Variants in MPPED1 observed in about 807,000 individuals in gnomAD.
The protein encoded by MPPED1 is metallophosphoesterase domain-containing protein 1.
MPPED1 carries 16 observed loss-of-function variants against 36.2 expected under a neutral mutation model. The observed-to-expected ratio is 0.44, with a 90% CI of 0.30 to 0.67. MPPED1 has a LOEUF of 0.67. Ranked by LOEUF, MPPED1 falls within the 30% of genes least tolerant of loss-of-function variation. MPPED1 has a pLI of 0.10. For synonymous variants in MPPED1, 199 were observed against 191.3 expected (o/e 1.04, Z -0.33); for missense variants, 307 against 453.4 (o/e 0.68, Z 2.93).
At chr22:43,450,460 T>C (rs1421733945) in intron 3 of MPPED1, among the ~76,000 whole-genome samples, 2 of 152,236 alleles carry the variant, frequency 1.3e-5, no homozygotes, top group Admixed American at 6.5e-5. Context: ...GAGAGACCTC[T>C]CGAGTTTGGA....
chr22:43,476,046 G>A (rs78273150), intron 4 of MPPED1, among the ~76,000 whole-genome samples: 1 of 151,818 alleles, frequency 6.6e-6, no homozygotes, highest in Non-Finnish European at 1.5e-5. Flanking sequence ...GGGTAGTGAT[G>A]GTGATAATGA....
At chr22:43,465,630 G>T (rs1037230638) in intron 3 of MPPED1, among the ~76,000 whole-genome samples, 1 of 152,234 alleles carries the variant, frequency 6.6e-6, no homozygotes, top group Non-Finnish European at 1.5e-5. Flanking sequence ...CTGGGTGCTT[G>T]TTGGGGGGCA....
chr22:43,434,945 T>G, intron 2 of MPPED1, 89 bp from the exon 3 acceptor site: 2 of 1,379,786 alleles, frequency 1.4e-6, no homozygotes, highest in Non-Finnish European at 2.0e-6. Flanking sequence ...GATGGGGCTG[T>G]GAGCTGTGGT....
intron 4 of MPPED1, among the ~76,000 whole-genome samples, chr22:43,488,465 C>T (rs140102472): frequency 2.6e-4 from 40 of 152,320 alleles, no homozygotes; most frequent in African/African-American, 9.6e-4. Flanking sequence ...CTGGAATTCA[C>T]GCTTCAGCAG....
chr22:43,487,522 G>A (rs539729202), intron 4 of MPPED1, among the ~76,000 whole-genome samples: 2 of 152,336 alleles, frequency 1.3e-5, no homozygotes, highest in South Asian at 4.1e-4. Context: ...GGAGGCGCTG[G>A]AGTGGAGGAA....
At chr22:43,447,843 T>C (rs1246653321) in intron 3 of MPPED1, among the ~76,000 whole-genome samples, 1 of 122,696 alleles carries the variant, frequency 8.2e-6, no homozygotes, top group African/African-American at 3.0e-5. Context: ...ATAAAAATAT[T>C]TTATATATGT....
intron 1 of MPPED1, among the ~76,000 whole-genome samples, chr22:43,414,229 C>T (rs965469035): frequency 3.9e-5 from 6 of 152,218 alleles, no homozygotes; most frequent in Non-Finnish European, 8.8e-5. Flanking sequence ...CTTAAATCTT[C>T]ATCCAATGAA....
At chr22:43,463,685 G>A (rs1332437243) in intron 3 of MPPED1, among the ~76,000 whole-genome samples, 1 of 151,970 alleles carries the variant, frequency 6.6e-6, no homozygotes, top group Admixed American at 6.6e-5. Flanking sequence ...TCTCACCAAG[G>A]ATGTCAATGA....
chr22:43,446,543 C>T (rs1289796931), intron 3 of MPPED1, among the ~76,000 whole-genome samples: 3 of 152,184 alleles, frequency 2.0e-5, no homozygotes, highest in African/African-American at 4.8e-5. Context: ...GGGGTGTTGA[C>T]GGCACATGGG....
chr22:43,453,829 G>C (rs1019007788), intron 3 of MPPED1, among the ~76,000 whole-genome samples: 2 of 152,084 alleles, frequency 1.3e-5, no homozygotes, highest in Non-Finnish European at 2.9e-5. Flanking sequence ...TCTTTTAAAA[G>C]TGTATAGTTC....
At chr22:43,486,903 C>A (rs28413588) in intron 4 of MPPED1, among the ~76,000 whole-genome samples, 54,736 of 151,924 alleles carry the variant, frequency 0.36, 11,289 homozygotes, top group East Asian at 0.63. Context: ...GGACACTCAG[C>A]AGATGGCAGA....
chr22:43,501,603 C>T (rs1932737357), intron 5 of MPPED1, among the ~76,000 whole-genome samples: 2 of 152,218 alleles, frequency 1.3e-5, no homozygotes, highest in Admixed American at 1.3e-4. Flanking sequence ...CCCCACAACA[C>T]ACACTCCAGA....
At chr22:43,436,093 G>T (rs1312276133) in intron 3 of MPPED1, among the ~76,000 whole-genome samples, 1 of 152,190 alleles carries the variant, frequency 6.6e-6, no homozygotes, top group Non-Finnish European at 1.5e-5. Flanking sequence ...ACATCCTCTG[G>T]GTTTTGTCTT....
intron 1 of MPPED1, among the ~76,000 whole-genome samples, chr22:43,421,477 C>CTG (rs2146815273): frequency 6.6e-6 from 1 of 152,372 alleles, no homozygotes; most frequent in East Asian, 1.9e-4. Flanking sequence ...ATGCTAGCGC[C>CTG]TGCTCCTCTG....
chr22:43,450,955 A>C (rs1338289197), intron 3 of MPPED1, among the ~76,000 whole-genome samples: 1 of 150,918 alleles, frequency 6.6e-6, no homozygotes, highest in South Asian at 2.1e-4. Context: ...CGAACTCCCA[A>C]CCTCAGGTGA....
intron 3 of MPPED1, among the ~76,000 whole-genome samples, chr22:43,464,745 G>A (rs780328220): frequency 1.3e-5 from 2 of 152,164 alleles, no homozygotes; most frequent in African/African-American, 2.4e-5. Context: ...CTTGCTTCTT[G>A]TAGCTCCACA....
intron 1 of MPPED1, among the ~76,000 whole-genome samples, chr22:43,413,439 G>A (rs2146806320): frequency 6.6e-6 from 1 of 152,222 alleles, no homozygotes; most frequent in South Asian, 2.1e-4. Flanking sequence ...CGATGTTGGA[G>A]AGGCCACCAG....
chr22:43,428,422 C>T (rs1338377153), intron 2 of MPPED1, among the ~76,000 whole-genome samples: 1 of 152,208 alleles, frequency 6.6e-6, no homozygotes, highest in African/African-American at 2.4e-5. Flanking sequence ...GAGGGGGCTG[C>T]TGCCTCCCAC....
At chr22:43,479,479 C>T (rs1931682129) in intron 4 of MPPED1, among the ~76,000 whole-genome samples, 2 of 152,224 alleles carry the variant, frequency 1.3e-5, no homozygotes, top group Admixed American at 6.5e-5. Flanking sequence ...TGACAGGAGG[C>T]AGTCTCACCA....
Sources: allele counts gnomAD v4.1 joint callset (sites outside exome capture counted in the v4.1 genomes callset), GRCh38; gene constraint gnomAD v4.1.1; transcripts MANE v1.5; gene names NCBI Gene and HGNC (gene_info 2026-07-23, HGNC 2026-07-21).